PHACTR2: variants seen among roughly 807,000 people sequenced by gnomAD.
PHACTR2 encodes chromosome 6 open reading frame 56.
PHACTR2 carries 30 observed loss-of-function variants against 76.0 expected under a neutral mutation model. The observed-to-expected ratio is 0.39, with a 90% CI of 0.30 to 0.54. The LOEUF is 0.54. Among genes scored for constraint, PHACTR2 ranks in the 20% least tolerant of loss-of-function variants. The probability of loss-of-function intolerance (pLI) is 0.61; values close to 1 mark genes in which losing one functional copy is unlikely to be tolerated. For synonymous variants in PHACTR2, 292 were observed against 292.5 expected (o/e 1.00, Z 0.02); for missense variants, 696 against 781.1 (o/e 0.89, Z 1.30).
In PHACTR2 at chr6:143,549,101, T is replaced by G. The variant is rs1775049233; in HGVS notation, c.217+11894T>G. Among the ~76,000 whole-genome samples the G allele has an allele frequency of 6.6e-6, 1 of 151,984 alleles. No individual in the cohort carries two copies. Among genetic ancestry groups the G allele is most frequent in the Non-Finnish European group, 1.5e-5 (1 of 67,946 alleles). ...TGCCTGATCTCCTCCCCAGCGAACA[T>G]GCCAGTCTGTAGGGTGCACATTTCC... On this transcript the variant is annotated intron_variant, in intron 1 of 11. Coordinates refer to the PHACTR2 transcript ENST00000367584. The surrounding 1 kb of genome is among the most constrained non-coding windows in gnomAD (Gnocchi z 4.2).
At chr6:143,817,025 C>T (rs1435703819) in intron 12 of PHACTR2, among the ~76,000 whole-genome samples, 1 of 152,176 alleles carries the variant, frequency 6.6e-6, no homozygotes, top group Non-Finnish European at 1.5e-5. Context: ...GAGATCATGC[C>T]ACTGCACTCC....
At chr6:143,705,599 C>T (rs536910575) in intron 1 of PHACTR2, among the ~76,000 whole-genome samples, 1 of 152,200 alleles carries the variant, frequency 6.6e-6, no homozygotes, top group African/African-American at 2.4e-5. Context: ...CCTGGCCAGA[C>T]CTTGAAAATT....
In PHACTR2 at chr6:143,678,177, C is replaced by T; in HGVS notation, c.14C>T (p.Ser5Leu). Residue 5 changes from serine (S) to leucine (L), a missense_variant, in exon 1 of 13, where the codon TCG becomes TTG. Ser to Leu is a moderately radical substitution (Grantham distance 145). Coordinates refer to ENST00000440869, the MANE Select transcript of PHACTR2 (RefSeq NM_001100164.2). The surrounding 1 kb of genome is among the most constrained non-coding windows in gnomAD (Gnocchi z 6.2). MGQTSVSTLSPQPGS... is the reference protein window; with the variant it reads MGQTLVSTLSPQPGS... ...GCGACCCCAGTCATGGGCCAGACCT[C>T]GGTGTCCACGCTGTCCCCGCAGCCC... 6.5e-7 allele frequency: 1 copy of T among 1,541,268 alleles called. No individual in the cohort carries two copies. The highest frequency in any genetic ancestry group is 8.7e-7 in the Non-Finnish European group (1 of 1,143,098).
chr6:143,675,893 CTT>C (rs141656061), upstream of PHACTR2, among the ~76,000 whole-genome samples: 11,250 of 152,058 alleles, frequency 0.074, 1,341 homozygotes, highest in African/African-American at 0.25. The surrounding 1 kb of genome is among the most constrained non-coding windows in gnomAD (Gnocchi z 4.9). Flanking sequence ...TTAAAATTCT[CTT>C]GTTAGGTGAT....
rs1227091591 is a variant in PHACTR2 at position 143,683,877 on chromosome 6, C to T, written c.46+5668C>T. The stretch of plus-strand genomic sequence containing the variant: ...AGCATGAACAGTTTTTTTCATTCCA[C>T]ACAGTTTTCATTCATAGATATATCT... On this transcript the variant is annotated intron_variant, in intron 1 of 12. Coordinates refer to ENST00000440869, the MANE Select transcript of PHACTR2 (RefSeq NM_001100164.2). The surrounding 1 kb of genome is among the most constrained non-coding windows in gnomAD (Gnocchi z 4.1). Among the ~76,000 whole-genome samples the T allele has an allele frequency of 6.6e-6, 1 of 152,154 alleles. No homozygotes were observed. Among genetic ancestry groups the T allele is most frequent in the African/African-American group, 2.4e-5 (1 of 41,436 alleles).
chr6:143,609,940 C>A (rs1313964329), intron 1 of PHACTR2, among the ~76,000 whole-genome samples: 2 of 152,110 alleles, frequency 1.3e-5, no homozygotes, highest in African/African-American at 4.8e-5. Flanking sequence ...TAATAAAATA[C>A]CTCTGCTCTT....
intron 1 of PHACTR2, among the ~76,000 whole-genome samples, chr6:143,567,367 A>C (rs1360992453): frequency 6.6e-6 from 1 of 151,986 alleles, no homozygotes; most frequent in Non-Finnish European, 1.5e-5. Flanking sequence ...TTTGATTTTT[A>C]TTATTTATTG....
In PHACTR2 at chr6:143,816,285, C is replaced by T. The variant is rs188769765; in HGVS notation, c.1923-7389C>T. ...TCTCCTACCTTAAAATGAATGCAAACTACCGAGAAATAGCAAAATACCGAG... is the reference window on the plus strand; with the variant it reads ...TCTCCTACCTTAAAATGAATGCAAATTACCGAGAAATAGCAAAATACCGAG... On this transcript the variant is annotated intron_variant, in intron 12 of 12. Coordinates refer to ENST00000440869, the MANE Select transcript of PHACTR2 (RefSeq NM_001100164.2). This position sits in a 1 kb window ranked among gnomAD's most constrained non-coding sequence, Gnocchi z 4.5. Among the ~76,000 whole-genome samples, 25 of 152,236 alleles carry T rather than the reference C, an allele frequency of 1.6e-4. No homozygotes were observed. The highest frequency in any genetic ancestry group is 5.8e-4 in the African/African-American group (24 of 41,534).
intron 9 of PHACTR2, among the ~76,000 whole-genome samples, chr6:143,779,828 C>T (rs1245504941): frequency 6.6e-6 from 1 of 151,208 alleles, no homozygotes; most frequent in East Asian, 1.9e-4. Context: ...CATGCCAGTC[C>T]TTACTTGATG....
rs1172418571 is a variant in PHACTR2, at chr6:143,791,635, T to C, written c.1845+2725T>C. Among the ~76,000 whole-genome samples the C allele has an allele frequency of 2.6e-5, 4 of 152,232 alleles. No homozygotes were observed. Among genetic ancestry groups the C allele is most frequent in the Admixed American group, 2.6e-4 (4 of 15,278 alleles). On this transcript the variant is annotated intron_variant, in intron 11 of 12. Coordinates refer to ENST00000440869, the MANE Select transcript of PHACTR2 (RefSeq NM_001100164.2). The surrounding 1 kb of genome is among the most constrained non-coding windows in gnomAD (Gnocchi z 4.7). ...GATTTCTGTACCCTTAGTTATTTTTTTGTCAGTTTGATCCATCAGGTAACA... is the reference window on the plus strand; with the variant it reads ...GATTTCTGTACCCTTAGTTATTTTTCTGTCAGTTTGATCCATCAGGTAACA...
chr6:143,760,862 A>T lies in PHACTR2; in HGVS notation c.694+222A>T, dbSNP rs1262050786. Among the ~76,000 whole-genome samples the T allele has an allele frequency of 6.6e-6, 1 of 152,202 alleles. No individual in the cohort carries two copies. Among genetic ancestry groups the T allele is most frequent in the Non-Finnish European group, 1.5e-5 (1 of 68,026 alleles). ...TCACCTCATTAGTTTTTGAGTGAAT[A>T]TACTGGTTTCATCTTGAGTATCCAC... On this transcript the variant is annotated intron_variant, in intron 5 of 12. Transcript: ENST00000440869. The surrounding 1 kb of genome is among the most constrained non-coding windows in gnomAD (Gnocchi z 6.4).
Position 143,824,073 on chromosome 6 carries a change from G to A in PHACTR2, c.*384G>A, listed in dbSNP as rs963747726. 2 of 169,956 alleles carry A rather than the reference G, an allele frequency of 1.2e-5. No homozygotes were observed. The highest frequency in any genetic ancestry group is 1.2e-5 in the Non-Finnish European group (1 of 80,006). The allele number at this position is 169,956 out of a possible 1,614,324, so 10.5% of individuals were successfully genotyped here. ...TTAAAATTGCTGGGCACTGAAAAGG[G>A]GTGGGAGTTGGAAATCAGAAAGAAA... On this transcript the variant is annotated 3_prime_UTR_variant, in exon 13 of 13. Coordinates refer to ENST00000440869, the MANE Select transcript of PHACTR2 (RefSeq NM_001100164.2). This position sits in a 1 kb window ranked among gnomAD's most constrained non-coding sequence, Gnocchi z 6.3.
Position 143,679,901 on chromosome 6 carries a change from C to T in PHACTR2, c.46+1692C>T, listed in dbSNP as rs1470983139. Among the ~76,000 whole-genome samples the T allele has an allele frequency of 6.6e-6, 1 of 152,064 alleles. No individual in the cohort carries two copies. Among genetic ancestry groups the T allele is most frequent in the Non-Finnish European group, 1.5e-5 (1 of 67,998 alleles). ...AAAGATAATTCAGAGAAATATCTCA[C>T]GGAACGGTGTTATACTTAAATTGCA... On this transcript the variant is annotated intron_variant, in intron 1 of 12. Coordinates refer to ENST00000440869, the MANE Select transcript of PHACTR2 (RefSeq NM_001100164.2). The surrounding 1 kb of genome is among the most constrained non-coding windows in gnomAD (Gnocchi z 4.6).
Position 143,556,035 on chromosome 6 carries a change from C to G in PHACTR2, c.217+18828C>G, listed in dbSNP as rs1280291689. ...GAAAAAAAACAAAAAGAAAAGAGAC[C>G]AAACCTTTTACTCTTAGTAATTAAT... On this transcript the variant is annotated intron_variant, in intron 1 of 11. Coordinates refer to the PHACTR2 transcript ENST00000367584. The surrounding 1 kb of genome is among the most constrained non-coding windows in gnomAD (Gnocchi z 4.3). Among the ~76,000 whole-genome samples, 1 of 150,804 alleles carries G rather than the reference C, an allele frequency of 6.6e-6. No individual in the cohort carries two copies. Among genetic ancestry groups the G allele is most frequent in the Non-Finnish European group, 1.5e-5 (1 of 67,858 alleles).
chr6:143,555,016 G>A (rs142392342), intron 1 of PHACTR2: 7 of 152,148 alleles, frequency 4.6e-5, no homozygotes, highest in African/African-American at 1.7e-4. Context: ...TTGTTACTCA[G>A]GAACAAATCC....
rs1387642687 is a variant in PHACTR2 at position 143,584,999 on chromosome 6, C to T, written c.217+47792C>T. 3.5e-5 allele frequency among the ~76,000 whole-genome samples: 5 copies of T among 142,486 alleles called. No individual in the cohort carries two copies. In the South Asian group the frequency reaches 8.8e-4, roughly 25 times the overall value. 93.5% of individuals were successfully genotyped at this position (142,486 alleles called of 152,430 possible). A position where few individuals can be genotyped will look rare whatever the true frequency, so the allele number is the denominator to read the frequency against. ...CCAGATTAAAAAAAAAAAAAAAAAG[C>T]TATAGGCTTGGCTGTCATACCTTCT... On this transcript the variant is annotated intron_variant, in intron 1 of 11. Coordinates refer to the PHACTR2 transcript ENST00000367584.
intron 1 of PHACTR2, among the ~76,000 whole-genome samples, chr6:143,567,688 C>T (rs1158755750): frequency 1.3e-5 from 2 of 152,140 alleles, no homozygotes; most frequent in Non-Finnish European, 1.5e-5. Flanking sequence ...CGTGAGCCAC[C>T]GCCCCCTATC....
At chr6:143,686,927 G>C (rs1777539583) in intron 1 of PHACTR2, among the ~76,000 whole-genome samples, 1 of 152,174 alleles carries the variant, frequency 6.6e-6, no homozygotes, top group African/African-American at 2.4e-5. Context: ...AACTGTACTA[G>C]CTTTTCTCCA....
intron 11 of PHACTR2, among the ~76,000 whole-genome samples, chr6:143,796,678 G>T (rs893980253): frequency 1.3e-5 from 2 of 151,742 alleles, no homozygotes; most frequent in Admixed American, 1.3e-4. Flanking sequence ...TTCTGATCTT[G>T]TGATAGTTTG....
Sources: gnomAD v4.1 joint callset for allele counts (sites outside exome capture counted in the v4.1 genomes callset) on GRCh38, gnomAD v4.1.1 for gene constraint, Gnocchi (gnomAD v3.1) non-coding constraint, MANE v1.5 for transcripts, NCBI Gene and HGNC (gene_info 2026-07-23, HGNC 2026-07-21) for gene names.